The following IGF1R variants were observed in gnomAD, a reference collection of about 807,000 sequenced individuals.
IGF1R encodes the protein insulin like growth factor 1 receptor.
Under a neutral mutation model 144.6 loss-of-function variants are expected in IGF1R, and 44 were observed. The ratio of observed to expected loss-of-function variants is 0.30; its 90% CI spans 0.24 to 0.39. The LOEUF is 0.39. Among genes scored for constraint, IGF1R ranks in the 10% least tolerant of loss-of-function variants. IGF1R has a pLI of 1.00. For synonymous variants in IGF1R, 795 were observed against 722.8 expected, an observed-to-expected ratio of 1.10 and a Z score of -1.60; for missense variants, 1,355 against 1,833.7, an observed-to-expected ratio of 0.74 and a Z score of 4.77.
At chr15:98,833,200 G>C (rs1278482611) in intron 2 of IGF1R, among the ~76,000 whole-genome samples, 1 of 152,158 alleles carries the variant, frequency 6.6e-6, no homozygotes, top group Non-Finnish European at 1.5e-5. Context: ...TTCTTGTATT[G>C]ACTCTTCTGA....
rs546971556 is a variant in IGF1R at position 98,899,858 on chromosome 15, A to G, written c.1247+237A>G. On this transcript the variant is annotated intron_variant, in intron 5 of 20. Transcript: ENST00000650285. ...CACCCTTACTGGATTTTGCCTCATC[A>G]GTCAAGGGTTGCGTGTCTGACTGTG... is the stretch of plus-strand genomic sequence containing the variant. 3.3e-5 allele frequency among the ~76,000 whole-genome samples: 5 copies of G among 152,302 alleles called. No homozygotes were observed. The East Asian group carries it at 9.7e-4, about 29-fold the overall frequency.
intron 1 of IGF1R, among the ~76,000 whole-genome samples, chr15:98,671,067 G>T (rs2052877782): frequency 6.6e-6 from 1 of 152,150 alleles, no homozygotes; most frequent in Non-Finnish European, 1.5e-5. Flanking sequence ...CATTTGTTTG[G>T]TGTCTCACGT....
At chr15:98,773,354 C>G in intron 2 of IGF1R, among the ~76,000 whole-genome samples, 1 of 152,272 alleles carries the variant, frequency 6.6e-6, no homozygotes, top group East Asian at 1.9e-4. Flanking sequence ...TAATGAAGGT[C>G]AAGGCATCTG....
chr15:98,910,156 A>AC, intron 6 of IGF1R, among the ~76,000 whole-genome samples: 1 of 152,040 alleles, frequency 6.6e-6, no homozygotes, highest in East Asian at 1.9e-4. Context: ...ACGCTGACTG[A>AC]CCTAGGGCTG....
At chr15:98,922,083 T>C in intron 10 of IGF1R, 65 bp from the exon 11 acceptor site, 1 of 1,562,006 alleles carries the variant, frequency 6.4e-7, no homozygotes, top group Non-Finnish European at 8.8e-7. Context: ...TTACTCTTAC[T>C]CAAGTCATAG....
At chr15:98,913,365 G>T (rs1380752137) in intron 8 of IGF1R, 83 bp downstream of exon 8, 2 of 1,049,232 alleles carry the variant, frequency 1.9e-6, no homozygotes, top group East Asian at 2.4e-5. Flanking sequence ...TCATTGTAGG[G>T]TTAGCAGTGA....
chr15:98,930,282 C>T lies in IGF1R; in HGVS notation c.2933C>T (p.Pro978Leu), dbSNP rs1555463013. The T allele has an allele frequency of 1.2e-6, 2 of 1,612,960 alleles. No homozygotes were observed. The highest frequency in any genetic ancestry group is 1.7e-6 in the Non-Finnish European group (2 of 1,179,414). The change falls in exon 15 of 21, where the codon CCG becomes CTG. Residue 978 changes from proline to leucine, a missense_variant. This residue lies in a region of IGF1R where 880 missense variants were observed against 1,202.7 expected (regional missense o/e 0.73). Transcript: ENST00000650285. ...GGAGTGCTGTATGCCTCTGTGAACC[C>T]GGAGTACTTCAGCGCTGCTGATGGT... ...GNGVLYASVNPEYFSAADVYV... is the reference protein window; with the variant it reads ...GNGVLYASVNLEYFSAADVYV...
chr15:98,805,046 C>T (rs1042500853), intron 2 of IGF1R, among the ~76,000 whole-genome samples: 24 of 152,148 alleles, frequency 1.6e-4, no homozygotes, highest in African/African-American at 5.8e-4. Flanking sequence ...ATAAGAAGTA[C>T]AGGATAATTA....
intron 2 of IGF1R, among the ~76,000 whole-genome samples, chr15:98,799,547 C>T (rs1259075049): frequency 6.6e-5 from 10 of 152,154 alleles, no homozygotes; most frequent in Non-Finnish European, 1.5e-4. Context: ...TAATCACAGA[C>T]CATGTATTTC....
Position 98,662,146 on chromosome 15 carries a change from A to AT in IGF1R, c.94+12483dup, listed in dbSNP as rs576623936. ...AGGCGTGTGCCACCACGCCTGGCTA[A>AT]TTTTTTTTTTTTCTAGTAGAGACGG... On this transcript the variant is annotated intron_variant, in intron 1 of 20. Coordinates refer to ENST00000650285, the MANE Select transcript of IGF1R (RefSeq NM_000875.5). Among the ~76,000 whole-genome samples, 602 of 143,044 alleles carry AT rather than the reference A, an allele frequency of 4.2e-3. 4 individuals carry two copies. The highest frequency in any genetic ancestry group is 6.9e-3 in the Non-Finnish European group (448 of 65,098). 93.8% of individuals were successfully genotyped at this position (143,044 alleles called of 152,430 possible). A position where few individuals can be genotyped will look rare whatever the true frequency, so the allele number is the denominator to read the frequency against.
chr15:98,658,776 C>A (rs578075553), intron 1 of IGF1R, among the ~76,000 whole-genome samples: 3 of 152,262 alleles, frequency 2.0e-5, no homozygotes, highest in African/African-American at 7.2e-5. Flanking sequence ...CACGGTTTTG[C>A]TGGTTGACAG....
intron 2 of IGF1R, among the ~76,000 whole-genome samples, chr15:98,790,706 A>T (rs916805393): frequency 6.6e-6 from 1 of 152,190 alleles, no homozygotes; most frequent in Admixed American, 6.5e-5. Context: ...ATCGGAAGGA[A>T]AACAAAATTA....
At chr15:98,886,452 T>C (rs1353900756) in intron 2 of IGF1R, among the ~76,000 whole-genome samples, 1 of 152,204 alleles carries the variant, frequency 6.6e-6, no homozygotes, top group East Asian at 1.9e-4. Flanking sequence ...ACTGTAAGAA[T>C]TCCAAGGAAT....
At chr15:98,725,385 C>CT (rs148068493) in intron 2 of IGF1R, among the ~76,000 whole-genome samples, 1,582 of 152,184 alleles carry the variant, frequency 0.01, 15 homozygotes, top group African/African-American at 0.023. Flanking sequence ...GAAAGGGCAT[C>CT]TTTTTTTTCC....
intron 13 of IGF1R, among the ~76,000 whole-genome samples, chr15:98,927,491 C>T (rs1321333474): frequency 3.9e-5 from 6 of 152,154 alleles, no homozygotes; most frequent in Admixed American, 1.3e-4. Context: ...TTTTGTTATT[C>T]TCTGGATGTG....
intron 1 of IGF1R, among the ~76,000 whole-genome samples, chr15:98,652,031 CAG>C (rs910606683): frequency 1.3e-5 from 2 of 152,126 alleles, no homozygotes; most frequent in African/African-American, 4.8e-5. Flanking sequence ...GAAATAAAGA[CAG>C]GGTGTTGGTT....
At position 98,891,456 on chromosome 15, in the gene IGF1R, G is replaced by A. The variant is rs543792941; in HGVS notation, c.772G>A (p.Gly258Ser). The stretch of plus-strand genomic sequence containing the variant: ...AGCTTGCCGCCACTACTACTATGCC[G>A]GTGTCTGTGTGCCTGCCTGCCCGCC... ...CVACRHYYYA[G>S]VCVPACPPNT... Residue 258 changes from glycine (G) to serine (S), a missense_variant, in exon 3 of 21, where the codon GGT becomes AGT. Physicochemically the swap from Gly to Ser is moderately conservative, Grantham distance 56 (BLOSUM62 0). This residue lies in a region of IGF1R where 880 missense variants were observed against 1,202.7 expected (regional missense o/e 0.73). Transcript: ENST00000650285. The surrounding 1 kb of genome is among the most constrained non-coding windows in gnomAD (Gnocchi z 4.7). 229 of 1,614,026 alleles carry A rather than the reference G, an allele frequency of 1.4e-4. 2 individuals are homozygous for A. The South Asian group carries it at 2.2e-3, about 15-fold the overall frequency.
Position 98,957,082 on chromosome 15 carries a change from C to T in IGF1R, c.3744C>T (p.Cys1248=), listed in dbSNP as rs2151737809. The T allele has an allele frequency of 6.2e-7, 1 of 1,614,218 alleles. No homozygotes were observed. Among genetic ancestry groups the T allele is most frequent in the South Asian group, 1.1e-5 (1 of 91,082 alleles). The change falls in exon 21 of 21, where the codon TGC becomes TGT. Residue 1248 remains cysteine (C), a synonymous_variant. Coordinates refer to ENST00000650285, the MANE Select transcript of IGF1R (RefSeq NM_000875.5). The part of the protein sequence containing the change: ...PDMLFELMRM[C]WQYNPKMRPS... Reference sequence around the variant, plus strand: ...GCAGGTTTGAACTGATGCGCATGTGCTGGCAGTATAACCCCAAGATGAGGC... The same window carrying T: ...GCAGGTTTGAACTGATGCGCATGTGTTGGCAGTATAACCCCAAGATGAGGC...
At chr15:98,722,937 C>T (rs1465608254) in intron 2 of IGF1R, among the ~76,000 whole-genome samples, 2 of 151,918 alleles carry the variant, frequency 1.3e-5, no homozygotes, top group Non-Finnish European at 2.9e-5. Flanking sequence ...AGGTGGGATT[C>T]TTCCTCTTGA....
Sources: gnomAD v4.1 joint callset for allele counts (sites outside exome capture counted in the v4.1 genomes callset) on GRCh38, gnomAD v4.1.1 for gene constraint, gnomAD v4.1.1 regional missense constraint, Gnocchi (gnomAD v3.1) non-coding constraint, MANE v1.5 for transcripts, NCBI Gene and HGNC (gene_info 2026-07-23, HGNC 2026-07-21) for gene names.